The following AP3B1 variants were observed in gnomAD, a reference collection of about 807,000 sequenced individuals.
AP3B1 encodes the protein adaptor related protein complex 3 subunit beta 1.
AP3B1 carries 61 observed loss-of-function variants against 132.5 expected under a neutral mutation model. The observed-to-expected ratio is 0.46, with a 90% CI of 0.37 to 0.57. The LOEUF is 0.57. AP3B1 is among the 20% of genes least tolerant of loss of function. The pLI, the probability that AP3B1 is intolerant of heterozygous loss-of-function variation, is 0.00. For missense variants in AP3B1, 1,120 were observed against 1,289.4 expected (o/e 0.87, Z 2.01); for synonymous variants, 388 against 438.3 (o/e 0.89, Z 1.43).
chr5:78,175,542 G>C, intron 11 of AP3B1, 84 bp downstream of exon 11: 1 of 1,008,780 alleles, frequency 9.9e-7, no homozygotes, highest in Non-Finnish European at 1.5e-6. Flanking sequence ...AAGCAGGACT[G>C]CATCCCACAG....
intron 2 of AP3B1, among the ~76,000 whole-genome samples, chr5:78,242,002 C>A (rs1747159080): frequency 6.6e-6 from 1 of 152,202 alleles, no homozygotes; most frequent in South Asian, 2.1e-4. Context: ...TAGCATGGGT[C>A]AGTATCACCT....
intron 11 of AP3B1, among the ~76,000 whole-genome samples, chr5:78,173,694 G>T (rs768545416): frequency 1.3e-5 from 2 of 148,746 alleles, no homozygotes; most frequent in Non-Finnish European, 2.9e-5. Context: ...TATCTTTGGG[G>T]TGTTCTCTGT....
intron 7 of AP3B1, among the ~76,000 whole-genome samples, chr5:78,193,753 TATATATATA>T (rs1744952219): frequency 8.4e-6 from 1 of 119,700 alleles, no homozygotes; most frequent in African/African-American, 3.2e-5. Flanking sequence ...TTTATATATA[TATATATATA>T]TATATATATT....
intron 7 of AP3B1, among the ~76,000 whole-genome samples, chr5:78,195,266 C>T (rs183068762): frequency 1.3e-3 from 197 of 152,206 alleles, no homozygotes; most frequent in Admixed American, 1.7e-3. Flanking sequence ...AGTGCAGCTA[C>T]GTGATGTATA....
chr5:78,268,307 T>C (rs1748411998), intron 1 of AP3B1, among the ~76,000 whole-genome samples: 1 of 152,180 alleles, frequency 6.6e-6, no homozygotes, highest in Non-Finnish European at 1.5e-5. Context: ...TACTTTTTGC[T>C]GTATTTTCCT....
intron 24 of AP3B1, among the ~76,000 whole-genome samples, chr5:78,029,567 G>A (rs1170148628): frequency 1.3e-5 from 2 of 152,160 alleles, no homozygotes; most frequent in Admixed American, 1.3e-4. Context: ...TGTGTGGTGT[G>A]CATGGCCTCT....
In AP3B1 at chr5:78,294,329, C is replaced by T. The variant is rs1247257281; in HGVS notation, c.128+123G>A. The T allele has an allele frequency of 3.6e-5, 52 of 1,431,656 alleles. No homozygotes were observed. In the Admixed American group the frequency reaches 9.9e-4, roughly 27 times the overall value. The allele number at this position is 1,431,656 out of a possible 1,614,324, so 88.7% of individuals were successfully genotyped here. On this transcript the variant is annotated intron_variant, in intron 1 of 26. Transcript: ENST00000255194. ...CCTACCCACCCGCGGGACACGTTAC[C>T]GCCCTGCCCTGCTCAGACCTCAGGG...
intron 26 of AP3B1, among the ~76,000 whole-genome samples, chr5:78,012,454 T>C (rs1353919853): frequency 6.6e-6 from 1 of 152,188 alleles, no homozygotes; most frequent in Non-Finnish European, 1.5e-5. Flanking sequence ...TCAATATCTG[T>C]ATAAAAAATA....
intron 3 of AP3B1, among the ~76,000 whole-genome samples, chr5:78,238,886 C>T (rs532571656): frequency 4.7e-5 from 7 of 149,440 alleles, no homozygotes; most frequent in Non-Finnish European, 7.4e-5. Flanking sequence ...GATTGACACA[C>T]GGGATGTAGG....
At chr5:78,131,862 A>AT (rs1438613020) in intron 15 of AP3B1, among the ~76,000 whole-genome samples, 1 of 152,126 alleles carries the variant, frequency 6.6e-6, no homozygotes, top group East Asian at 1.9e-4. Context: ...AAAAGGTAAA[A>AT]TTTTTTGGCA....
At chr5:78,132,309 T>C (rs1752724003) in intron 15 of AP3B1, among the ~76,000 whole-genome samples, 1 of 152,224 alleles carries the variant, frequency 6.6e-6, no homozygotes, top group Admixed American at 6.5e-5. Flanking sequence ...ATCTTCAAAG[T>C]TGAGCTTTTT....
intron 24 of AP3B1, among the ~76,000 whole-genome samples, chr5:78,026,345 T>C (rs1561360518): frequency 6.6e-6 from 1 of 152,222 alleles, no homozygotes; most frequent in Non-Finnish European, 1.5e-5. Flanking sequence ...ATTCTTGTAG[T>C]ACATGTAACC....
intron 7 of AP3B1, among the ~76,000 whole-genome samples, chr5:78,211,984 T>C (rs1266926197): frequency 6.6e-6 from 1 of 152,212 alleles, no homozygotes; most frequent in Non-Finnish European, 1.5e-5. Context: ...TGGAATACTA[T>C]GTAAGAAAGT....
Position 78,056,501 on chromosome 5 carries a change from T to C in AP3B1, c.2578-17227A>G, listed in dbSNP as rs149493767. 7.8e-3 allele frequency among the ~76,000 whole-genome samples: 1,185 copies of C among 152,290 alleles called. 15 individuals are homozygous for C. The highest frequency in any genetic ancestry group is 0.027 in the African/African-American group (1,113 of 41,562). ...GCAGGGTCCTGAGATTAAAAGTACA[T>C]GTCAAAAAGCTGAATCACCATTGGA... On this transcript the variant is annotated intron_variant, in intron 22 of 26. Transcript: ENST00000255194.
chr5:78,288,382 T>G (rs764373708), intron 1 of AP3B1, among the ~76,000 whole-genome samples: 2 of 152,216 alleles, frequency 1.3e-5, no homozygotes, highest in Non-Finnish European at 2.9e-5. Context: ...ACCATACATA[T>G]GGAATAATCC....
chr5:78,153,835 A>C (rs572440227), intron 14 of AP3B1, among the ~76,000 whole-genome samples: 26 of 152,314 alleles, frequency 1.7e-4, no homozygotes, highest in African/African-American at 5.8e-4. Flanking sequence ...AGCAAAAAGG[A>C]AACTAATAAA....
intron 18 of AP3B1, among the ~76,000 whole-genome samples, chr5:78,115,581 G>A (rs928205843): frequency 6.6e-6 from 1 of 152,108 alleles, no homozygotes; most frequent in Non-Finnish European, 1.5e-5. Context: ...AAAAGCCAGG[G>A]CCTCTAAATC....
chr5:78,119,776 A>C (rs1230870648), intron 17 of AP3B1, among the ~76,000 whole-genome samples: 1 of 152,240 alleles, frequency 6.6e-6, no homozygotes, highest in Admixed American at 6.5e-5. Context: ...GCAGGATATT[A>C]TCCAGGAGAA....
chr5:78,070,605 T>G (rs911332418), intron 22 of AP3B1, among the ~76,000 whole-genome samples: 1 of 151,590 alleles, frequency 6.6e-6, no homozygotes, highest in African/African-American at 2.4e-5. Context: ...AAAGAAACTA[T>G]CATCAGGGTG....
Sources: allele counts gnomAD v4.1 joint callset (sites outside exome capture counted in the v4.1 genomes callset), GRCh38; gene constraint gnomAD v4.1.1; transcripts MANE v1.5; gene names NCBI Gene and HGNC (gene_info 2026-07-23, HGNC 2026-07-21).